MLH3: variants seen among roughly 807,000 people sequenced by gnomAD.
MLH3 encodes DNA mismatch repair protein Mlh3.
MLH3 carries 82 observed loss-of-function variants against 122.2 expected under a neutral mutation model. That is an observed-to-expected ratio of 0.67 (90% confidence interval 0.56 to 0.81). The LOEUF (loss-of-function observed/expected upper bound fraction) is 0.81, where lower values mean the gene tolerates loss of function less well. Ranked by LOEUF, MLH3 falls within the 30% of genes least tolerant of loss-of-function variation. The pLI is 0.00. For synonymous variants in MLH3, 524 were observed against 599.5 expected (o/e 0.87, Z 1.84); for missense variants, 1,539 against 1,714.5 (o/e 0.90, Z 1.81).
In MLH3 at chr14:75,039,969, T is replaced by C; in HGVS notation, c.3512A>G (p.Lys1171Arg). 1 of 1,603,028 alleles carries C rather than the reference T, an allele frequency of 6.2e-7. No individual in the cohort carries two copies. Among genetic ancestry groups the C allele is most frequent in the Non-Finnish European group, 8.5e-7 (1 of 1,172,788 alleles). The change falls in exon 5 of 13, where the codon AAA becomes AGA. Residue 1171 changes from lysine to arginine, a missense_variant. Physicochemically the swap from Lys to Arg is conservative, Grantham distance 26. Coordinates refer to ENST00000355774, the MANE Select transcript of MLH3 (RefSeq NM_001040108.2). ...SSGQAESLAV[K>R]IHNILYPYRF... ...ATAGGGATACAAGATGTTGTGAATT[T>C]TAACTGCTAAGCTCTCAGCCTGGCC...
chr14:75,048,493 C>T lies in MLH3; in HGVS notation c.1163G>A (p.Ser388Asn), dbSNP rs772968203. Residue 388 changes from serine (S) to asparagine (N), a missense_variant, in exon 2 of 13, where the codon AGC (serine) becomes AAC (asparagine). Coordinates refer to ENST00000355774, the MANE Select transcript of MLH3 (RefSeq NM_001040108.2). ...ATTATTACATGCTTCCTGGAAATTG[C>T]TCCTCTCATCGGAAGTCACACGCTT... ...LQKRVTSDER[S>N]NFQEACNNIL... The T allele has an allele frequency of 6.2e-7, 1 of 1,613,108 alleles. No individual in the cohort carries two copies. Among genetic ancestry groups the T allele is most frequent in the South Asian group, 1.1e-5 (1 of 90,766 alleles).
At chr14:75,041,150 C>T (rs939205476) in intron 4 of MLH3, among the ~76,000 whole-genome samples, 1 of 152,092 alleles carries the variant, frequency 6.6e-6, no homozygotes, top group African/African-American at 2.4e-5. Context: ...CACTATATAG[C>T]CTTGAACTTC....
intron 9 of MLH3, among the ~76,000 whole-genome samples, chr14:75,026,075 G>T (rs765423361): frequency 6.6e-6 from 1 of 152,048 alleles, no homozygotes; most frequent in Non-Finnish European, 1.5e-5. Flanking sequence ...GCAATAACCC[G>T]TCAGCTGCTC....
At chr14:75,030,490 T>A (rs997887567) in intron 9 of MLH3, 53 bp downstream of exon 9, 4 of 1,540,392 alleles carry the variant, frequency 2.6e-6, no homozygotes, top group Non-Finnish European at 2.7e-6. Flanking sequence ...ACAGACAAAA[T>A]ATGAGGTTAC....
At chr14:75,022,753 GCAGCCCTGC>G in intron 11 of MLH3, 52 bp downstream of exon 11, 2 of 1,437,264 alleles carry the variant, frequency 1.4e-6, no homozygotes, top group Non-Finnish European at 2.0e-6. Flanking sequence ...TGTAATCCCG[GCAGCCCTGC>G]CAGGGCTCTG....
intron 9 of MLH3, among the ~76,000 whole-genome samples, chr14:75,024,560 T>C (rs1444438047): frequency 6.6e-6 from 1 of 152,242 alleles, no homozygotes; most frequent in African/African-American, 2.4e-5. Flanking sequence ...CAGGCTGGAG[T>C]GCCATGGCGC....
chr14:75,021,177 G>T (rs911931159), intron 11 of MLH3, among the ~76,000 whole-genome samples: 5 of 152,196 alleles, frequency 3.3e-5, no homozygotes, highest in Admixed American at 6.5e-5. Context: ...GCGCCTGGGC[G>T]CATTCCATCT....
chr14:75,017,100 A>G lies in MLH3; in HGVS notation c.4344T>C (p.Pro1448=), dbSNP rs2139282742. Residue 1448 remains proline, a synonymous_variant, in exon 13 of 13, where the codon CCT becomes CCC. Coordinates refer to ENST00000355774, the MANE Select transcript of MLH3 (RefSeq NM_001040108.2). ...DTRQSLQQSM[P]PCEPP is the part of the protein sequence containing the mutation. The stretch of plus-strand genomic sequence containing the variant: ...TCTGTTCTCATGGTGGCTCACAGGG[A>G]GGCATGGATTGCTGCAGGCTCTGCC... 1 of 1,613,568 alleles carries G rather than the reference A, an allele frequency of 6.2e-7. No individual in the cohort carries two copies. The highest frequency in any genetic ancestry group is 8.5e-7 in the Non-Finnish European group (1 of 1,179,924).
At chr14:75,017,693 G>C (rs1889980882) in intron 12 of MLH3, among the ~76,000 whole-genome samples, 1 of 152,206 alleles carries the variant, frequency 6.6e-6, no homozygotes, top group Admixed American at 6.5e-5. Context: ...TAGATTCCCA[G>C]CTCTCAGCAA....
At chr14:75,031,545 G>A (rs1891048163) in intron 8 of MLH3, among the ~76,000 whole-genome samples, 1 of 152,216 alleles carries the variant, frequency 6.6e-6, no homozygotes, top group Admixed American at 6.5e-5. Context: ...GGGTCCAGTG[G>A]CTCACGCCTG....
chr14:75,029,655 C>T (rs1340953358), intron 9 of MLH3, among the ~76,000 whole-genome samples: 1 of 152,058 alleles, frequency 6.6e-6, no homozygotes, highest in Non-Finnish European at 1.5e-5. Flanking sequence ...CCTGCCTCAG[C>T]CTCCTGAGTA....
intron 6 of MLH3, chr14:75,036,861 G>A (rs1295395317): frequency 2.3e-6 from 1 of 430,276 alleles, no homozygotes; most frequent in Non-Finnish European, 4.7e-6. Context: ...CTGCTCTCTA[G>A]TCCACCCTGG....
In MLH3 at chr14:75,047,266, C is replaced by A; in HGVS notation, c.2390G>T (p.Arg797Leu). ...EPDILLKDKN[R>L]LENSDVCKIT... Reference sequence around the variant, plus strand: ...TTTACAAACATCAGAGTTCTCTAAGCGGTTCTTGTCCTTCAGCAGAATGTC... The same window carrying A: ...TTTACAAACATCAGAGTTCTCTAAGAGGTTCTTGTCCTTCAGCAGAATGTC... Residue 797 changes from arginine to leucine, a missense_variant, in exon 2 of 13, where the codon CGC (arginine) becomes CTC (leucine). Transcript: ENST00000355774. 1 of 1,614,072 alleles carries A rather than the reference C, an allele frequency of 6.2e-7. No homozygotes were observed. The highest frequency in any genetic ancestry group is 8.5e-7 in the Non-Finnish European group (1 of 1,180,006).
chr14:75,041,976 T>G (rs1339290107), intron 3 of MLH3, among the ~76,000 whole-genome samples: 1 of 152,236 alleles, frequency 6.6e-6, no homozygotes, highest in Non-Finnish European at 1.5e-5. Context: ...TGGCTCAAAT[T>G]TATAGCCTTA....
chr14:75,037,589 A>G (rs140295869), intron 6 of MLH3, among the ~76,000 whole-genome samples: 52 of 152,296 alleles, frequency 3.4e-4, no homozygotes, highest in African/African-American at 1.2e-3. Flanking sequence ...CATTATATAC[A>G]CTTTCTATTA....
At position 75,018,815 on chromosome 14, in the gene MLH3, A is replaced by C; in HGVS notation, c.4242+14T>G. On this transcript the variant is annotated intron_variant, in intron 12 of 12. Coordinates refer to ENST00000355774, the MANE Select transcript of MLH3 (RefSeq NM_001040108.2). Reference sequence around the variant, plus strand: ...AACTTTGCTCCCTCCTGCTCCTGTTAGTCATTAATGTACCTGTTTTTCCTG... The same window carrying C: ...AACTTTGCTCCCTCCTGCTCCTGTTCGTCATTAATGTACCTGTTTTTCCTG... The C allele has an allele frequency of 6.2e-7, 1 of 1,613,886 alleles. No homozygotes were observed. The highest frequency in any genetic ancestry group is 8.5e-7 in the Non-Finnish European group (1 of 1,179,722).
At chr14:75,042,900 C>G (rs766909903) in intron 2 of MLH3, among the ~76,000 whole-genome samples, 1 of 152,000 alleles carries the variant, frequency 6.6e-6, no homozygotes, top group Non-Finnish European at 1.5e-5. Context: ...CTCAGCCTCC[C>G]GAGTAGCTGG....
intron 6 of MLH3, among the ~76,000 whole-genome samples, chr14:75,035,247 C>T (rs952973331): frequency 2.6e-5 from 4 of 151,694 alleles, no homozygotes; most frequent in Admixed American, 2.0e-4. Context: ...ATTGGCCAGG[C>T]GGGTTGGCTC....
rs896794139 is a variant in MLH3 at position 75,051,433 on chromosome 14, G to A, written c.-117C>T. 1.3e-5 allele frequency: 2 copies of A among 152,220 alleles called. No individual in the cohort carries two copies. The highest frequency in any genetic ancestry group is 2.9e-5 in the Non-Finnish European group (2 of 68,044). The allele number at this position is 152,220 out of a possible 1,614,324, so 9.4% of individuals were successfully genotyped here. On this transcript the variant is annotated 5_prime_UTR_variant, in exon 1 of 13. Coordinates refer to ENST00000355774, the MANE Select transcript of MLH3 (RefSeq NM_001040108.2). Reference sequence around the variant, plus strand: ...CACCAACCGCCTCGGACGCCGACGCGCGCACCTTGGATCTTGAGGCTCGTG... The same window carrying A: ...CACCAACCGCCTCGGACGCCGACGCACGCACCTTGGATCTTGAGGCTCGTG...
Sources: gnomAD v4.1 joint callset for allele counts (sites outside exome capture counted in the v4.1 genomes callset) on GRCh38, gnomAD v4.1.1 for gene constraint, MANE v1.5 for transcripts, NCBI Gene and HGNC (gene_info 2026-07-23, HGNC 2026-07-21) for gene names.